SLC1A7: variants seen among roughly 807,000 people sequenced by gnomAD.
SLC1A7 encodes solute carrier family 1 member 7, also known as excitatory amino acid transporter 5.
A neutral mutation model predicts 47.7 loss-of-function variants in SLC1A7; 40 were observed. The observed-to-expected ratio is 0.84, with a 90% CI of 0.65 to 1.09. The LOEUF is 1.09. SLC1A7 is among the 50% of genes least tolerant of loss of function. The probability of loss-of-function intolerance (pLI) is 0.00; values close to 1 mark genes in which losing one functional copy is unlikely to be tolerated. For missense variants in SLC1A7, 746 were observed against 769.5 expected (o/e 0.97, Z 0.36); for synonymous variants, 323 against 325.6 (o/e 0.99, Z 0.09).
chr1:53,130,104 G>A (rs1302764162), intron 2 of SLC1A7, among the ~76,000 whole-genome samples: 3 of 152,194 alleles, frequency 2.0e-5, no homozygotes, highest in Non-Finnish European at 2.9e-5. Flanking sequence ...CTGAGCTAAC[G>A]ACACTCAGCT....
intron 2 of SLC1A7, among the ~76,000 whole-genome samples, chr1:53,117,691 G>T (rs764083078): frequency 1.3e-5 from 2 of 152,230 alleles, no homozygotes; most frequent in Non-Finnish European, 2.9e-5. Flanking sequence ...TGTGTGGAGT[G>T]GGGTGCAGGT....
intron 9 of SLC1A7, 94 bp downstream of exon 9, chr1:53,089,706 C>A: frequency 1.5e-6 from 2 of 1,354,168 alleles, no homozygotes; most frequent in Non-Finnish European, 2.1e-6. Flanking sequence ...AGCCTTCTAC[C>A]CTGGGGAAGG....
chr1:53,137,762 A>G (rs138198794), intron 1 of SLC1A7, among the ~76,000 whole-genome samples: 1 of 152,298 alleles, frequency 6.6e-6, no homozygotes, highest in Non-Finnish European at 1.5e-5. Flanking sequence ...TGCTCTCTCA[A>G]GCACATCAGT....
intron 4 of SLC1A7, among the ~76,000 whole-genome samples, chr1:53,104,623 T>C (rs1298284884): frequency 1.3e-5 from 2 of 152,220 alleles, no homozygotes; most frequent in African/African-American, 2.4e-5. Flanking sequence ...TAGCCTAGCA[T>C]TCAGTCCCCT....
intron 2 of SLC1A7, among the ~76,000 whole-genome samples, chr1:53,123,628 C>A (rs575337960): frequency 6.6e-6 from 1 of 152,210 alleles, no homozygotes; most frequent in East Asian, 1.9e-4. Context: ...CTCCGGGCAT[C>A]GGGCTGGGCC....
chr1:53,105,114 T>TAA (rs1234210655), intron 4 of SLC1A7, among the ~76,000 whole-genome samples: 4 of 152,222 alleles, frequency 2.6e-5, no homozygotes, highest in Non-Finnish European at 4.4e-5. Flanking sequence ...TATAATATTA[T>TAA]TTAAAAATAA....
intron 1 of SLC1A7, among the ~76,000 whole-genome samples, chr1:53,135,966 GA>G (rs1644988439): frequency 6.6e-6 from 1 of 151,790 alleles, no homozygotes; most frequent in South Asian, 2.1e-4. Context: ...TTGGTGCTAT[GA>G]GGGGACTCTT....
At chr1:53,116,778 C>A (rs1644766862) in intron 2 of SLC1A7, among the ~76,000 whole-genome samples, 1 of 152,240 alleles carries the variant, frequency 6.6e-6, no homozygotes, top group African/African-American at 2.4e-5. Flanking sequence ...GACAGCAGTG[C>A]CCGGCTGGGC....
intron 5 of SLC1A7, among the ~76,000 whole-genome samples, chr1:53,100,701 T>C (rs1644564971): frequency 1.3e-5 from 2 of 151,502 alleles, no homozygotes; most frequent in Non-Finnish European, 2.9e-5. Context: ...ATGCCTTGCC[T>C]GTGTACACTC....
intron 1 of SLC1A7, among the ~76,000 whole-genome samples, chr1:53,136,666 A>ATT (rs58852734): frequency 7.6e-5 from 8 of 105,410 alleles, no homozygotes; most frequent in African/African-American, 3.1e-4. Context: ...ATATATATAT[A>ATT]TTTTTTTTTT....
At chr1:53,098,374 C>T (rs772958976) in intron 5 of SLC1A7, among the ~76,000 whole-genome samples, 16 of 150,924 alleles carry the variant, frequency 1.1e-4, no homozygotes, top group South Asian at 2.1e-4. Flanking sequence ...TACACACATA[C>T]GGTCACACCA....
chr1:53,137,690 A>G (rs1645015641), intron 1 of SLC1A7, among the ~76,000 whole-genome samples: 1 of 152,176 alleles, frequency 6.6e-6, no homozygotes, highest in African/African-American at 2.4e-5. Context: ...TCTGGGAATC[A>G]CCCACTAATT....
At chr1:53,123,178 A>G (rs1485404415) in intron 2 of SLC1A7, among the ~76,000 whole-genome samples, 1 of 152,112 alleles carries the variant, frequency 6.6e-6, no homozygotes, top group Non-Finnish European at 1.5e-5. Context: ...TCCCTAAGGC[A>G]GTCAGGGCCA....
chr1:53,116,242 A>C (rs1644759718), intron 2 of SLC1A7: 1 of 152,134 alleles, frequency 6.6e-6, no homozygotes, highest in Admixed American at 6.5e-5. Context: ...GGTAAGACAC[A>C]CTTTGAGCAT....
intron 5 of SLC1A7, among the ~76,000 whole-genome samples, chr1:53,097,795 G>A (rs571548366): frequency 5.5e-5 from 8 of 146,286 alleles, no homozygotes; most frequent in South Asian, 2.2e-4. Flanking sequence ...CACACACACC[G>A]CCTCAGTACA....
chr1:53,127,622 C>T (rs1296919113), intron 2 of SLC1A7, among the ~76,000 whole-genome samples: 5 of 152,034 alleles, frequency 3.3e-5, no homozygotes, highest in Non-Finnish European at 7.3e-5. Flanking sequence ...TGGGATGTCT[C>T]CCTGTGGTTA....
chr1:53,142,230 C>T, intron 1 of SLC1A7, 85 bp downstream of exon 1: 2 of 1,427,632 alleles, frequency 1.4e-6, no homozygotes, highest in African/African-American at 1.4e-5. Context: ...CACCAGGGAG[C>T]TGTGATGCTA....
rs67205575 is a variant in SLC1A7, at chr1:53,124,249, AACACACACAC to A, written c.216-9286_216-9277del. ...ATAGGAAGGAAAACAATACATACAC[AACACACACAC>A]ACACACACACACACACACACACACA... On this transcript the variant is annotated intron_variant, in intron 2 of 10. Transcript: ENST00000371494. Among the ~76,000 whole-genome samples the A allele has an allele frequency of 4.3e-4, 3 of 6,966 alleles. 1 individual carries two copies. The highest frequency in any genetic ancestry group is 4.6e-4 in the African/African-American group (3 of 6,476). 4.6% of individuals were successfully genotyped at this position (6,966 alleles called of 152,430 possible).
intron 6 of SLC1A7, among the ~76,000 whole-genome samples, chr1:53,093,146 G>A (rs557712479): frequency 1.3e-5 from 2 of 152,338 alleles, no homozygotes; most frequent in South Asian, 4.1e-4. Context: ...CTGTGGGCTA[G>A]TCCTTACCGC....
Sources: gnomAD v4.1 joint callset for allele counts (sites outside exome capture counted in the v4.1 genomes callset) on GRCh38, gnomAD v4.1.1 for gene constraint, MANE v1.5 for transcripts, NCBI Gene and HGNC (gene_info 2026-07-23, HGNC 2026-07-21) for gene names.